Variants in INPP5F observed in about 807,000 individuals in gnomAD.
The protein encoded by INPP5F is inositol polyphosphate-5-phosphatase F.
INPP5F carries 97 observed loss-of-function variants against 137.2 expected under a neutral mutation model. That is an observed-to-expected ratio of 0.71 (90% CI 0.60 to 0.84). INPP5F has a LOEUF of 0.84. Ranked by LOEUF, INPP5F falls within the 40% of genes least tolerant of loss-of-function variation. The pLI is 0.00. For synonymous variants in INPP5F, 504 were observed against 476.9 expected (o/e 1.06, Z -0.74); for missense variants, 1,271 against 1,371.9 (o/e 0.93, Z 1.16).
chr10:119,806,626 G>C (rs549255499), intron 12 of INPP5F, 146 bp downstream of exon 12: 4 of 692,214 alleles, frequency 5.8e-6, no homozygotes, highest in Admixed American at 3.9e-5. Flanking sequence ...ATTAAAATCT[G>C]GAAAGCACAA....
chr10:119,782,183 A>G (rs1423344709), intron 3 of INPP5F, among the ~76,000 whole-genome samples: 3 of 152,228 alleles, frequency 2.0e-5, no homozygotes, highest in Non-Finnish European at 2.9e-5. Context: ...TTCTAAGCAT[A>G]TATTACTCTA....
chr10:119,749,090 T>TAGG (rs1175964439), intron 1 of INPP5F, among the ~76,000 whole-genome samples: 28 of 152,216 alleles, frequency 1.8e-4, no homozygotes, highest in African/African-American at 6.3e-4. Flanking sequence ...GTCCCCAGGC[T>TAGG]CGGCCACAAC....
rs1847883889 is a variant in INPP5F at position 119,726,282 on chromosome 10, A to G, written c.20A>G (p.Lys7Arg). The G allele has an allele frequency of 6.7e-7, 1 of 1,490,744 alleles. No individual in the cohort carries two copies. The highest frequency in any genetic ancestry group is 8.9e-7 in the Non-Finnish European group (1 of 1,119,908). 92.3% of individuals were successfully genotyped at this position (1,490,744 alleles called of 1,614,324 possible). ...GCCAGCATGGAGCTCTTCCAAGCCAAGGACCACTACATCCTGCAGCAGGGC... is the reference window on the plus strand; with the variant it reads ...GCCAGCATGGAGCTCTTCCAAGCCAGGGACCACTACATCCTGCAGCAGGGC... MELFQA[K>R]DHYILQQGER... The change falls in exon 1 of 20, where the codon AAG becomes AGG. Residue 7 changes from lysine to arginine, a missense_variant. Lys to Arg is a conservative substitution (Grantham distance 26). Around this residue, in one of 6 missense-constraint regions of INPP5F, gnomAD observed 109 missense variants for 105.1 expected, o/e 1.04. Coordinates refer to ENST00000650623, the MANE Select transcript of INPP5F (RefSeq NM_014937.4).
Position 119,827,261 on chromosome 10 carries a change from CCA to C in INPP5F, c.2883_2884del (p.His961GlnfsTer24), listed in dbSNP as rs769616413. 6.2e-7 allele frequency: 1 copy of C among 1,614,106 alleles called. No individual in the cohort carries two copies. The highest frequency in any genetic ancestry group is 1.3e-5 in the African/African-American group (1 of 75,038). ...TTGCCAAGCCTATGGATATTTACTG[CCA>C]CAGATTTGTGCAAGATGCACAGAAC... ...GFAKPMDIYC[H>X]RFVQDAQNKV... On this transcript the variant is annotated frameshift_variant, in exon 20 of 20. Coordinates refer to ENST00000650623, the MANE Select transcript of INPP5F (RefSeq NM_014937.4). LOFTEE classifies it high-confidence loss of function.
At chr10:119,779,190 A>G (rs1413168263) in intron 2 of INPP5F, among the ~76,000 whole-genome samples, 1 of 152,154 alleles carries the variant, frequency 6.6e-6, no homozygotes, top group Non-Finnish European at 1.5e-5. Flanking sequence ...ATGGTACAGT[A>G]AAAATACTGT....
chr10:119,773,173 C>T (rs2134165046), intron 2 of INPP5F, among the ~76,000 whole-genome samples: 1 of 152,236 alleles, frequency 6.6e-6, no homozygotes, highest in African/African-American at 2.4e-5. Flanking sequence ...TCTCCCATGT[C>T]AGCCTCCTGA....
intron 2 of INPP5F, 68 bp from the exon 3 acceptor site, chr10:119,781,567 C>A: frequency 7.5e-7 from 1 of 1,340,952 alleles, no homozygotes; most frequent in Non-Finnish European, 1.0e-6. Context: ...TTAGGTTATT[C>A]ACCTTCAACT....
chr10:119,785,431 G>A (rs958298874), intron 3 of INPP5F, among the ~76,000 whole-genome samples: 1 of 151,736 alleles, frequency 6.6e-6, no homozygotes, highest in East Asian at 1.9e-4. Context: ...GACTACAGGT[G>A]CATGCCACCA....
chr10:119,747,534 A>T lies in INPP5F; in HGVS notation c.98-3542A>T, dbSNP rs181427098. 7.3e-3 allele frequency among the ~76,000 whole-genome samples: 1,104 copies of T among 152,224 alleles called. 4 individuals carry two copies. The highest frequency in any genetic ancestry group is 0.01 in the Non-Finnish European group (711 of 68,006). The stretch of plus-strand genomic sequence containing the variant: ...GTGCCTGGCCTTGCTTTAAAAAAAA[A>T]TTTTTTTTAATTCAAAAAAGAAATT... On this transcript the variant is annotated intron_variant, in intron 1 of 19. Transcript: ENST00000650623.
intron 2 of INPP5F, among the ~76,000 whole-genome samples, chr10:119,763,785 G>A (rs1158290270): frequency 6.6e-6 from 1 of 151,958 alleles, no homozygotes; most frequent in Non-Finnish European, 1.5e-5. Flanking sequence ...CTCTCTTCTC[G>A]CATTTTACTA....
intron 2 of INPP5F, among the ~76,000 whole-genome samples, chr10:119,758,191 G>A (rs1163969722): frequency 6.6e-6 from 1 of 152,208 alleles, no homozygotes; most frequent in Non-Finnish European, 1.5e-5. Context: ...GGGGTGCTGT[G>A]GTGTGTATGA....
intron 2 of INPP5F, among the ~76,000 whole-genome samples, chr10:119,765,751 G>C (rs200228435): frequency 2.1e-5 from 3 of 142,180 alleles, no homozygotes; most frequent in African/African-American, 5.3e-5. Flanking sequence ...CTGTGTGTGT[G>C]TGTGTGTGTG....
intron 15 of INPP5F, among the ~76,000 whole-genome samples, chr10:119,815,032 AT>A (rs1224768162): frequency 1.3e-5 from 2 of 151,834 alleles, no homozygotes; most frequent in African/African-American, 4.8e-5. Flanking sequence ...CGCCCGGCTA[AT>A]TTTTTGTATT....
intron 9 of INPP5F, among the ~76,000 whole-genome samples, chr10:119,801,899 A>T (rs1231273687): frequency 6.6e-6 from 1 of 152,206 alleles, no homozygotes; most frequent in Non-Finnish European, 1.5e-5. Flanking sequence ...TGACATTCAC[A>T]TCAATTTTCT....
At chr10:119,735,734 A>AT (rs1388118276) in intron 1 of INPP5F, among the ~76,000 whole-genome samples, 1 of 152,206 alleles carries the variant, frequency 6.6e-6, no homozygotes, top group African/African-American at 2.4e-5. Flanking sequence ...ATTTACTCCC[A>AT]TTTGCACCTT....
intron 19 of INPP5F, chr10:119,825,840 T>C: frequency 2.5e-6 from 1 of 396,806 alleles, no homozygotes; most frequent in Non-Finnish European, 4.4e-6. Flanking sequence ...CTTTAACCCA[T>C]AATTTTTCTG....
At chr10:119,781,887 A>C (rs1014850698) in intron 3 of INPP5F, 116 bp downstream of exon 3, 4 of 818,530 alleles carry the variant, frequency 4.9e-6, no homozygotes, top group Non-Finnish European at 7.3e-6. Flanking sequence ...ATGTTTTTAA[A>C]ATAATTTAAT....
At chr10:119,765,741 C>CTGTGTGTGTGTG (rs34906556) in intron 2 of INPP5F, among the ~76,000 whole-genome samples, 17 of 127,696 alleles carry the variant, frequency 1.3e-4, no homozygotes, top group African/African-American at 3.3e-4. Context: ...CAAGGGTAAA[C>CTGTGTGTGTGTG]TGTGTGTGTG....
intron 2 of INPP5F, among the ~76,000 whole-genome samples, chr10:119,757,497 A>G (rs1043529466): frequency 6.6e-5 from 10 of 152,108 alleles, no homozygotes; most frequent in African/African-American, 2.4e-4. Flanking sequence ...GGAAATAAAA[A>G]TGGTAGTCAA....
Sources: gnomAD v4.1 joint callset for allele counts (sites outside exome capture counted in the v4.1 genomes callset) on GRCh38, gnomAD v4.1.1 for gene constraint, gnomAD v4.1.1 regional missense constraint, MANE v1.5 for transcripts, NCBI Gene and HGNC (gene_info 2026-07-23, HGNC 2026-07-21) for gene names.